DTNA: variants seen among roughly 807,000 people sequenced by gnomAD.
The protein encoded by DTNA is dystrophin-related protein 3.
DTNA carries 43 observed loss-of-function variants against 100.7 expected under a neutral mutation model. The ratio of observed to expected loss-of-function variants is 0.43; its 90% CI spans 0.33 to 0.55. The LOEUF (loss-of-function observed/expected upper bound fraction) is 0.55, where lower values mean the gene tolerates loss of function less well. Ranked by LOEUF, DTNA falls within the 20% of genes least tolerant of loss-of-function variation. The pLI, the probability that DTNA is intolerant of heterozygous loss-of-function variation, is 0.04. For missense variants in DTNA, 798 were observed against 953.9 expected (o/e 0.84, Z 2.15); for synonymous variants, 349 against 347.9 (o/e 1.00, Z -0.04).
intron 3 of DTNA, among the ~76,000 whole-genome samples, chr18:34,777,347 G>A (rs908259496): frequency 6.6e-6 from 1 of 152,178 alleles, no homozygotes; most frequent in Non-Finnish European, 1.5e-5. Flanking sequence ...CAAAGATAGT[G>A]TATGGTTCAG....
At chr18:34,816,595 A>G (rs1250533250) in intron 7 of DTNA, among the ~76,000 whole-genome samples, 2 of 152,214 alleles carry the variant, frequency 1.3e-5, no homozygotes, top group Non-Finnish European at 2.9e-5. Context: ...ATGAAATACC[A>G]TTTGGGGCAA....
intron 1 of DTNA, among the ~76,000 whole-genome samples, chr18:34,571,413 A>C (rs1465594411): frequency 6.6e-6 from 1 of 152,182 alleles, no homozygotes; most frequent in Non-Finnish European, 1.5e-5. Context: ...GACTTGACTC[A>C]GTTTATGAAT....
At chr18:34,773,983 C>T (rs2093915422) in intron 3 of DTNA, among the ~76,000 whole-genome samples, 2 of 152,202 alleles carry the variant, frequency 1.3e-5, no homozygotes, top group South Asian at 2.1e-4. Flanking sequence ...GTGAGCTAAG[C>T]CACACCTGTA....
At chr18:34,540,597 T>C (rs2730119) in intron 1 of DTNA, among the ~76,000 whole-genome samples, 122,050 of 151,796 alleles carry the variant, frequency 0.8, 49,519 homozygotes, top group East Asian at 0.93. Flanking sequence ...TAGTATAATC[T>C]TCAACAATAT....
At chr18:34,608,682 A>G (rs928469527) in intron 1 of DTNA, among the ~76,000 whole-genome samples, 5 of 152,060 alleles carry the variant, frequency 3.3e-5, no homozygotes, top group South Asian at 2.1e-4. Flanking sequence ...ATCCATCTCT[A>G]TGTATTAGGG....
intron 1 of DTNA, among the ~76,000 whole-genome samples, chr18:34,733,606 A>G (rs2088835628): frequency 1.3e-5 from 2 of 152,308 alleles, no homozygotes; most frequent in East Asian, 3.9e-4. Flanking sequence ...TAGATCTGAC[A>G]TACAGAGAAG....
intron 6 of DTNA, among the ~76,000 whole-genome samples, chr18:34,814,657 A>G (rs2095557062): frequency 6.6e-6 from 1 of 151,800 alleles, no homozygotes. Context: ...GTGCCACTGC[A>G]CTCCAGCCTG....
At chr18:34,558,904 A>G (rs1424525707) in intron 1 of DTNA, among the ~76,000 whole-genome samples, 1 of 152,262 alleles carries the variant, frequency 6.6e-6, no homozygotes, top group Non-Finnish European at 1.5e-5. Flanking sequence ...TAAGATAGCC[A>G]GAATGAGACT....
chr18:34,806,531 T>C (rs1351939431), intron 5 of DTNA, among the ~76,000 whole-genome samples: 1 of 152,240 alleles, frequency 6.6e-6, no homozygotes. Context: ...CTGTTGAGTA[T>C]CACCAACTGG....
chr18:34,888,129 T>C lies in DTNA; in HGVS notation c.*395T>C. The C allele has an allele frequency of 2.0e-6, 2 of 985,914 alleles. No individual in the cohort carries two copies. Among genetic ancestry groups the C allele is most frequent in the Non-Finnish European group, 2.4e-6 (2 of 829,944 alleles). 61.1% of individuals were successfully genotyped at this position (985,914 alleles called of 1,614,324 possible). A position where few individuals can be genotyped will look rare whatever the true frequency, so the allele number is the denominator to read the frequency against. On this transcript the variant is annotated 3_prime_UTR_variant, in exon 23 of 23. Transcript: ENST00000444659. The stretch of plus-strand genomic sequence containing the variant: ...CTGCTGTTATACACAATGGCAGTAT[T>C]AACAAGCATTTTAAACCTTTGCACA...
chr18:34,725,037 A>G (rs1352541380), intron 1 of DTNA, among the ~76,000 whole-genome samples: 3 of 152,198 alleles, frequency 2.0e-5, no homozygotes, highest in Non-Finnish European at 2.9e-5. Flanking sequence ...AAAACTGGCT[A>G]GTCATATGCA....
intron 11 of DTNA, among the ~76,000 whole-genome samples, chr18:34,837,590 T>C (rs1361587495): frequency 2.0e-5 from 3 of 152,208 alleles, no homozygotes; most frequent in African/African-American, 7.2e-5. Context: ...AAAATTTTCT[T>C]TGTAGCTCCA....
chr18:34,596,951 C>T (rs373238440), intron 1 of DTNA, among the ~76,000 whole-genome samples: 1 of 151,996 alleles, frequency 6.6e-6, no homozygotes, highest in Admixed American at 6.6e-5. Context: ...TTGCTGCACC[C>T]GTCAACCCGT....
At chr18:34,848,273 C>T in intron 13 of DTNA, 23 bp from the exon 14 acceptor site, 1 of 1,613,068 alleles carries the variant, frequency 6.2e-7, no homozygotes, top group Non-Finnish European at 8.5e-7. Flanking sequence ...CTAACGGTCT[C>T]CTTCTTGCTT....
chr18:34,725,928 A>G (rs1051581465), intron 1 of DTNA, among the ~76,000 whole-genome samples: 1 of 152,328 alleles, frequency 6.6e-6, no homozygotes, highest in East Asian at 1.9e-4. Flanking sequence ...ATAAAAAAGG[A>G]TGAGTTCATA....
At chr18:34,578,811 G>C (rs2048355458) in intron 1 of DTNA, among the ~76,000 whole-genome samples, 1 of 152,070 alleles carries the variant, frequency 6.6e-6, no homozygotes, top group Non-Finnish European at 1.5e-5. Context: ...TCTCTATTCT[G>C]TTCCATTGGT....
Position 34,673,415 on chromosome 18 carries a change from C to T in DTNA, c.-1-82561C>T, listed in dbSNP as rs540871282. ...TTGGCCTCCGAAAGTGCTGGGATTACAGGCATGAGCCACCTTACCTTTTAA... is the reference window on the plus strand; with the variant it reads ...TTGGCCTCCGAAAGTGCTGGGATTATAGGCATGAGCCACCTTACCTTTTAA... On this transcript the variant is annotated intron_variant, in intron 1 of 19. Transcript: ENST00000283365. Among the ~76,000 whole-genome samples, 13 of 151,998 alleles carry T rather than the reference C, an allele frequency of 8.6e-5. No individual in the cohort carries two copies. The South Asian group carries it at 2.3e-3, about 27-fold the overall frequency.
At chr18:34,549,369 A>G (rs2045153472) in intron 1 of DTNA, among the ~76,000 whole-genome samples, 1 of 151,976 alleles carries the variant, frequency 6.6e-6, no homozygotes, top group African/African-American at 2.4e-5. Flanking sequence ...GAGTATTGAA[A>G]GGAAAATATC....
At chr18:34,604,350 A>G (rs190948929) in intron 1 of DTNA, among the ~76,000 whole-genome samples, 13 of 152,320 alleles carry the variant, frequency 8.5e-5, no homozygotes, top group Admixed American at 6.5e-4. Flanking sequence ...TATTCAGTCA[A>G]AACTGTGGGT....
Sources: gnomAD v4.1 joint callset for allele counts (sites outside exome capture counted in the v4.1 genomes callset) on GRCh38, gnomAD v4.1.1 for gene constraint, MANE v1.5 for transcripts, NCBI Gene and HGNC (gene_info 2026-07-23, HGNC 2026-07-21) for gene names.